ADH6: variants seen among roughly 807,000 people sequenced by gnomAD.
The protein encoded by ADH6 is alcohol dehydrogenase 6.
In ADH6, 34 loss-of-function variants were observed where a neutral mutation model predicts 36.5. The ratio of observed to expected loss-of-function variants is 0.93; its 90% CI spans 0.71 to 1.24. The LOEUF (loss-of-function observed/expected upper bound fraction) is 1.24, where lower values mean the gene tolerates loss of function less well. Ranked by LOEUF, ADH6 falls within the 50% of genes most tolerant of loss-of-function variation. ADH6 has a pLI of 0.00. For missense variants in ADH6, 440 were observed against 447.0 expected, an observed-to-expected ratio of 0.98 and a Z score of 0.14; for synonymous variants, 161 against 155.5, an observed-to-expected ratio of 1.04 and a Z score of -0.26.
chr4:99,204,699 G>C, intron 8 of ADH6: 1 of 1,242,470 alleles, frequency 8.0e-7, no homozygotes, highest in Non-Finnish European at 1.0e-6. Context: ...AATGGCAAAA[G>C]TAACGGTAGG....
At chr4:99,211,966 T>A (rs116227156) in intron 3 of ADH6, among the ~76,000 whole-genome samples, 1,573 of 152,248 alleles carry the variant, frequency 0.01, 27 homozygotes, top group African/African-American at 0.036. Context: ...AGGACCCAGC[T>A]GGCTACTCGC....
chr4:99,210,494 C>T lies in ADH6; in HGVS notation c.271G>A (p.Val91Ile), dbSNP rs1251423686. ...GVSTVKPGDK[V>I]ITLFLPQCGE... The stretch of plus-strand genomic sequence containing the variant: ...CACTGTGGCAGAAAGAGTGTGATAA[C>T]TTTGTCACCTAAAAGAGCAAAATCA... Residue 91 changes from valine (V) to isoleucine (I), a missense_variant, in exon 4 of 9, where the codon GTT becomes ATT. Coordinates refer to ENST00000394899, the MANE Select transcript of ADH6 (RefSeq NM_001102470.2). 6.2e-7 allele frequency: 1 copy of T among 1,609,486 alleles called. No individual in the cohort carries two copies.
chr4:99,210,095 A>T lies in ADH6; in HGVS notation c.554T>A (p.Ile185Asn). The T allele has an allele frequency of 6.2e-7, 1 of 1,613,614 alleles. No individual in the cohort carries two copies. Among genetic ancestry groups the T allele is most frequent in the Non-Finnish European group, 8.5e-7 (1 of 1,179,710 alleles). ...CGFSTGFGAA[I>N]NTAKVTPGST... The stretch of plus-strand genomic sequence containing the variant: ...AATGCCCCTCACCTTGGCAGTATTG[A>T]TTGCAGCACCAAACCCAGTGGAAAA... Residue 185 changes from isoleucine to asparagine, a missense_variant, in exon 5 of 9, where the codon ATC (isoleucine) becomes AAC (asparagine). By Grantham distance (149) the Ile-to-Asn change is moderately radical (BLOSUM62 -3). Coordinates refer to ENST00000394899, the MANE Select transcript of ADH6 (RefSeq NM_001102470.2).
At chr4:99,207,235 C>T (rs1731066339) in intron 7 of ADH6, among the ~76,000 whole-genome samples, 1 of 151,988 alleles carries the variant, frequency 6.6e-6, no homozygotes, top group South Asian at 2.1e-4. Context: ...TAAGAAACCT[C>T]TTCTCTATCT....
chr4:99,203,807 C>A lies in ADH6; in HGVS notation c.*412G>T, dbSNP rs1312267081. The A allele has an allele frequency of 1.9e-5, 3 of 160,002 alleles. No individual in the cohort carries two copies. The highest frequency in any genetic ancestry group is 7.2e-5 in the African/African-American group (3 of 41,752). 9.9% of individuals were successfully genotyped at this position (160,002 alleles called of 1,614,324 possible). ...GGTTAACCTGAATCTTCAATAAACT[C>A]ATTAATGCGGAGTTTTGTTTCTTTA... On this transcript the variant is annotated 3_prime_UTR_variant, in exon 9 of 9. Transcript: ENST00000394899.
chr4:99,216,312 G>GT, intron 1 of ADH6, 50 bp from the exon 2 acceptor site: 1 of 1,218,808 alleles, frequency 8.2e-7, no homozygotes, highest in Non-Finnish European at 1.1e-6. Context: ...AAGCTTGGGA[G>GT]TTGGAAGATT....
chr4:99,213,527 A>T, intron 3 of ADH6, 79 bp downstream of exon 3: 3 of 1,327,698 alleles, frequency 2.3e-6, no homozygotes, highest in Non-Finnish European at 3.0e-6. Context: ...TGATCCTGAC[A>T]TACTTAAGGG....
At chr4:99,212,415 A>G (rs1451786853) in intron 3 of ADH6, among the ~76,000 whole-genome samples, 1 of 152,180 alleles carries the variant, frequency 6.6e-6, no homozygotes, top group Non-Finnish European at 1.5e-5. Context: ...ATGTGTATAT[A>G]ATATGGGATG....
chr4:99,218,341 A>G (rs931069755), intron 1 of ADH6, among the ~76,000 whole-genome samples: 4 of 152,108 alleles, frequency 2.6e-5, no homozygotes, highest in African/African-American at 9.7e-5. Flanking sequence ...CTCAATCTTC[A>G]CAGTCTAAAT....
Position 99,210,532 on chromosome 4 carries a change from A to C in ADH6, c.263-30T>G, listed in dbSNP as rs541412876. Reference sequence around the variant, plus strand: ...AAGAGCAAAATCATGTCTTATTAACATATTATTTTTTAAAGTAAAGACATA... The same window carrying C: ...AAGAGCAAAATCATGTCTTATTAACCTATTATTTTTTAAAGTAAAGACATA... On this transcript the variant is annotated intron_variant, in intron 3 of 8. Coordinates refer to ENST00000394899, the MANE Select transcript of ADH6 (RefSeq NM_001102470.2). 3.9e-6 allele frequency: 6 copies of C among 1,520,244 alleles called. No homozygotes were observed. In the African/African-American group the frequency reaches 6.9e-5, roughly 18 times the overall value. The allele number at this position is 1,520,244 out of a possible 1,614,324, so 94.2% of individuals were successfully genotyped here.
chr4:99,207,719 A>T (rs1364940435), intron 6 of ADH6, 138 bp from the exon 7 acceptor site: 1 of 941,670 alleles, frequency 1.1e-6, no homozygotes, highest in East Asian at 2.7e-5. Context: ...TTGAAGTAAC[A>T]TTTATCTTGT....
intron 1 of ADH6, among the ~76,000 whole-genome samples, chr4:99,216,976 A>C (rs1203306542): frequency 6.6e-6 from 1 of 152,054 alleles, no homozygotes; most frequent in African/African-American, 2.4e-5. Context: ...GAGCATAGTG[A>C]CCCTACTCTG....
chr4:99,210,240 A>G lies in ADH6; in HGVS notation c.409T>C (p.Ser137Pro), dbSNP rs774998760. Reference sequence around the variant, plus strand: ...CTGGTATTACCAAAGTGATATATTGATTTTCCCTTGCAGGTAAACCTGCTG... The same window carrying G: ...CTGGTATTACCAAAGTGATATATTGGTTTTCCCTTGCAGGTAAACCTGCTG... ...GTSRFTCKGKSIYHFGNTSTF... is the reference protein window; with the variant it reads ...GTSRFTCKGKPIYHFGNTSTF... Residue 137 changes from serine (S) to proline (P), a missense_variant, in exon 5 of 9, where the codon TCA (serine) becomes CCA (proline). Transcript: ENST00000394899. 1 of 1,613,726 alleles carries G rather than the reference A, an allele frequency of 6.2e-7. No individual in the cohort carries two copies. The highest frequency in any genetic ancestry group is 8.5e-7 in the Non-Finnish European group (1 of 1,179,842).
chr4:99,214,795 C>T (rs867045975), intron 2 of ADH6, among the ~76,000 whole-genome samples: 3 of 152,136 alleles, frequency 2.0e-5, no homozygotes, highest in African/African-American at 7.2e-5. Context: ...TGGAACAATA[C>T]CATAAAATTG....
rs1359863218 is a variant in ADH6, at chr4:99,219,220, A to C, written c.-68T>G. 2 of 1,466,214 alleles carry C rather than the reference A, an allele frequency of 1.4e-6. No individual in the cohort carries two copies. The highest frequency in any genetic ancestry group is 1.9e-6 in the Non-Finnish European group (2 of 1,046,862). The allele number at this position is 1,466,214 out of a possible 1,614,324, so 90.8% of individuals were successfully genotyped here. A position where few individuals can be genotyped will look rare whatever the true frequency, so the allele number is the denominator to read the frequency against. On this transcript the variant is annotated 5_prime_UTR_variant, in exon 1 of 9. Coordinates refer to ENST00000394899, the MANE Select transcript of ADH6 (RefSeq NM_001102470.2). ...ATCCTGTAGCAACTTTCACTGTAGA[A>C]AGTACAAAGGTACACAGGCGACTGG... is the stretch of plus-strand genomic sequence containing the variant.
In ADH6 at chr4:99,203,971, G is replaced by C. The variant is rs1321571749; in HGVS notation, c.*248C>G. ...TTTTATGTCTGAAGGATGTGGAGTT[G>C]AGTGATTCAAGCCAACCTTAATCTA... On this transcript the variant is annotated 3_prime_UTR_variant, in exon 9 of 9. Coordinates refer to ENST00000394899, the MANE Select transcript of ADH6 (RefSeq NM_001102470.2). 4 of 471,356 alleles carry C rather than the reference G, an allele frequency of 8.5e-6. No homozygotes were observed. Among genetic ancestry groups the C allele is most frequent in the Non-Finnish European group, 1.1e-5 (3 of 269,206 alleles). 29.2% of individuals were successfully genotyped at this position (471,356 alleles called of 1,614,324 possible). A position where few individuals can be genotyped will look rare whatever the true frequency, so the allele number is the denominator to read the frequency against.
At position 99,203,005 on chromosome 4, in the gene ADH6, G is replaced by T. The variant is rs1389893340; in HGVS notation, c.*1214C>A. ...TGTTATGAGAGTCCTTTGATATCAT[G>T]TGAAAACCATGATGGGAGAGAGAGA... On this transcript the variant is annotated 3_prime_UTR_variant, in exon 9 of 9. Coordinates refer to ENST00000394899, the MANE Select transcript of ADH6 (RefSeq NM_001102470.2). 1 of 390,900 alleles carries T rather than the reference G, an allele frequency of 2.6e-6. No homozygotes were observed. The highest frequency in any genetic ancestry group is 2.1e-5 in the African/African-American group (1 of 48,414). The allele number at this position is 390,900 out of a possible 1,614,324, so 24.2% of individuals were successfully genotyped here.
chr4:99,217,255 C>G (rs1731474120), intron 1 of ADH6, among the ~76,000 whole-genome samples: 1 of 152,160 alleles, frequency 6.6e-6, no homozygotes, highest in Admixed American at 6.5e-5. Flanking sequence ...CCAGGATGTT[C>G]TTGATCTCCT....
chr4:99,209,603 C>T (rs558512415), intron 5 of ADH6, among the ~76,000 whole-genome samples: 46 of 152,258 alleles, frequency 3.0e-4, no homozygotes, highest in African/African-American at 1.1e-3. Context: ...AATGTAGTAA[C>T]ACCTACTTCA....
Sources: allele counts gnomAD v4.1 joint callset (sites outside exome capture counted in the v4.1 genomes callset), GRCh38; gene constraint gnomAD v4.1.1; transcripts MANE v1.5; gene names NCBI Gene and HGNC (gene_info 2026-07-23, HGNC 2026-07-21).